SP110: variants seen among roughly 807,000 people sequenced by gnomAD.
SP110 encodes interferon-induced protein 41, 30kD.
A neutral mutation model predicts 92.7 loss-of-function variants in SP110; 62 were observed. The observed-to-expected ratio is 0.67, with a 90% CI of 0.55 to 0.83. The LOEUF (loss-of-function observed/expected upper bound fraction) is 0.83, where lower values mean the gene tolerates loss of function less well. Ranked by LOEUF, SP110 falls within the 40% of genes least tolerant of loss-of-function variation. The pLI is 0.00. For synonymous variants in SP110, 273 were observed against 305.3 expected, an observed-to-expected ratio of 0.89 and a Z score of 1.10; for missense variants, 793 against 863.9, an observed-to-expected ratio of 0.92 and a Z score of 1.03.
chr2:230,170,504 G>T, intron 18 of SP110, 117 bp downstream of exon 18: 1 of 1,247,438 alleles, frequency 8.0e-7, no homozygotes, highest in Non-Finnish European at 1.2e-6. Context: ...TGTAATCCTT[G>T]TCTTGTTTGA....
At chr2:230,184,400 ATTTG>A (rs1205994967) in intron 11 of SP110, among the ~76,000 whole-genome samples, 8 of 152,132 alleles carry the variant, frequency 5.3e-5, no homozygotes, top group Non-Finnish European at 7.3e-5. Context: ...TTGGAAATCT[ATTTG>A]TTTGTCAGGA....
intron 3 of SP110, among the ~76,000 whole-genome samples, chr2:230,214,424 A>C (rs1007078565): frequency 6.6e-6 from 1 of 152,218 alleles, no homozygotes; most frequent in Non-Finnish European, 1.5e-5. Flanking sequence ...CTTCTTAACC[A>C]ACAAGTAATT....
chr2:230,178,576 C>G (rs2041974614), intron 12 of SP110, among the ~76,000 whole-genome samples: 1 of 152,142 alleles, frequency 6.6e-6, no homozygotes, highest in Admixed American at 6.5e-5. Flanking sequence ...TCCTGCTGAT[C>G]TCTCTGTGCT....
chr2:230,186,986 A>G (rs2042391076), intron 10 of SP110, among the ~76,000 whole-genome samples: 1 of 152,212 alleles, frequency 6.6e-6, no homozygotes, highest in Admixed American at 6.5e-5. Context: ...TCTTCTTGAT[A>G]TAATGACTTA....
chr2:230,212,266 C>A (rs1296584463), intron 5 of SP110, 81 bp downstream of exon 5: 3 of 1,041,990 alleles, frequency 2.9e-6, no homozygotes, highest in East Asian at 4.8e-5. Flanking sequence ...GGGTTCCCAC[C>A]ATAGCCTCTT....
At position 230,167,273 on chromosome 2, in the gene SP110, ATTTT is replaced by A. The variant is rs67471942; in HGVS notation, c.*1847_*1850del. ...CCACCTTGCCCAGCTAATTAAAAAG[ATTTT>A]TTTTTTTTTTTTTTTGTAGAGATGA... is the stretch of plus-strand genomic sequence containing the variant. On this transcript the variant is annotated 3_prime_UTR_variant, in exon 19 of 19. Transcript: ENST00000258381. 0.53 allele frequency: 68,482 copies of A among 129,694 alleles called. 17,716 individuals carry two copies. Among genetic ancestry groups the A allele is most frequent in the Middle Eastern group, 0.62 (167 of 270 alleles). 8.0% of individuals were successfully genotyped at this position (129,694 alleles called of 1,614,324 possible).
rs905261832 is a variant in SP110, at chr2:230,166,176, G to A, written c.*2948C>T. On this transcript the variant is annotated 3_prime_UTR_variant, in exon 19 of 19. Coordinates refer to ENST00000258381, the MANE Select transcript of SP110 (RefSeq NM_080424.4). ...CAAAGTGCTGGGATTACAGGCCTGAGCCACTGCGCCTGGCAGACCACCTAT... is the reference window on the plus strand; with the variant it reads ...CAAAGTGCTGGGATTACAGGCCTGAACCACTGCGCCTGGCAGACCACCTAT... Among the ~76,000 whole-genome samples the A allele has an allele frequency of 2.6e-5, 4 of 152,202 alleles. No homozygotes were observed. Among genetic ancestry groups the A allele is most frequent in the Non-Finnish European group, 1.5e-5 (1 of 68,042 alleles).
intron 10 of SP110, among the ~76,000 whole-genome samples, chr2:230,196,071 A>G (rs375216021): frequency 6.6e-6 from 1 of 152,216 alleles, no homozygotes; most frequent in Admixed American, 6.5e-5. Context: ...GTTTTATTAC[A>G]TCCAGCATTG....
intron 8 of SP110, among the ~76,000 whole-genome samples, chr2:230,204,020 T>TA (rs1330204885): frequency 1.3e-5 from 2 of 152,066 alleles, no homozygotes; most frequent in Non-Finnish European, 2.9e-5. Flanking sequence ...TTTACCCAGG[T>TA]AAAAAATTGG....
At chr2:230,180,974 C>T (rs2042102484) in intron 12 of SP110, among the ~76,000 whole-genome samples, 1 of 152,180 alleles carries the variant, frequency 6.6e-6, no homozygotes, top group Admixed American at 6.5e-5. Flanking sequence ...GCTGATAACA[C>T]TCACTTATTA....
intron 11 of SP110, 83 bp from the exon 12 acceptor site, chr2:230,183,723 C>A: frequency 1.1e-6 from 1 of 951,966 alleles, no homozygotes; most frequent in South Asian, 1.3e-5. Context: ...AGCATTTTTT[C>A]CTGTTTTTCT....
intron 10 of SP110, among the ~76,000 whole-genome samples, chr2:230,193,900 A>C (rs1292317842): frequency 6.6e-6 from 1 of 152,222 alleles, no homozygotes; most frequent in African/African-American, 2.4e-5. Flanking sequence ...GGAATTTATA[A>C]ATTCCAAAAA....
At chr2:230,213,152 C>T (rs1024720256) in intron 3 of SP110, 125 bp from the exon 4 acceptor site, 27 of 931,500 alleles carry the variant, frequency 2.9e-5, no homozygotes, top group East Asian at 1.7e-4. Flanking sequence ...CCCCCAGGTG[C>T]AGAGAACTGA....
intron 14 of SP110, chr2:230,176,612 A>G (rs2041869121): frequency 2.5e-6 from 4 of 1,613,680 alleles, no homozygotes; most frequent in Middle Eastern, 1.6e-4. Context: ...CTCTAAGGTG[A>G]GCCTCCAGAC....
At chr2:230,173,268 T>G in intron 14 of SP110, 1 of 375,690 alleles carries the variant, frequency 2.7e-6, no homozygotes, top group Non-Finnish European at 5.2e-6. Context: ...GCTGGGCCAC[T>G]CTGGGCGCAT....
At chr2:230,212,157 C>T (rs1420237258) in intron 5 of SP110, among the ~76,000 whole-genome samples, 190 bp downstream of exon 5, 1 of 152,180 alleles carries the variant, frequency 6.6e-6, no homozygotes, top group East Asian at 1.9e-4. Context: ...CTTGTCAATT[C>T]AGAATGGTGT....
rs959485860 is a variant in SP110 at position 230,168,857 on chromosome 2, T to C, written c.*267A>G. On this transcript the variant is annotated 3_prime_UTR_variant, in exon 19 of 19. Transcript: ENST00000258381. ...AACAAATCAACTCTAAAAAGACTTATGAGACAGTGGGGAGAATGTGAACTA... is the reference window on the plus strand; with the variant it reads ...AACAAATCAACTCTAAAAAGACTTACGAGACAGTGGGGAGAATGTGAACTA... 12 of 372,820 alleles carry C rather than the reference T, an allele frequency of 3.2e-5. No homozygotes were observed. In the East Asian group the frequency reaches 6.4e-4, roughly 20 times the overall value. 23.1% of individuals were successfully genotyped at this position (372,820 alleles called of 1,614,324 possible). A position where few individuals can be genotyped will look rare whatever the true frequency, so the allele number is the denominator to read the frequency against.
chr2:230,200,911 G>A lies in SP110; in HGVS notation c.1103C>T (p.Pro368Leu). Residue 368 changes from proline to leucine, a missense_variant, in exon 10 of 19, where the codon CCT (proline) becomes CTT (leucine). Physicochemically the swap from Pro to Leu is moderately conservative, Grantham distance 98. Coordinates refer to ENST00000258381, the MANE Select transcript of SP110 (RefSeq NM_080424.4). ...MNEGKRSQKT[P>L]STPRRVTQGA... The stretch of plus-strand genomic sequence containing the variant: ...TTGTGTGACCCTTCGTGGTGTACTA[G>A]GCGTCTTCTGGGACCTCTTTCCTTC... 6.2e-7 allele frequency: 1 copy of A among 1,613,726 alleles called. No homozygotes were observed. Among genetic ancestry groups the A allele is most frequent in the Non-Finnish European group, 8.5e-7 (1 of 1,179,668 alleles).
In SP110 at chr2:230,169,255, A is replaced by C. The variant is rs2106338359; in HGVS notation, c.2029-18T>G. The C allele has an allele frequency of 4.5e-6, 6 of 1,345,700 alleles. No homozygotes were observed. Among genetic ancestry groups the C allele is most frequent in the Non-Finnish European group, 6.4e-6 (6 of 934,882 alleles). The allele number at this position is 1,345,700 out of a possible 1,614,324, so 83.4% of individuals were successfully genotyped here. ...TCAGAAGCCTGAAAGAGAAAAAAGC[A>C]AACAAACACATTGAAGGATGAAGGA... On this transcript the variant is annotated intron_variant, in intron 18 of 18. Transcript: ENST00000258381.
Sources: allele counts gnomAD v4.1 joint callset (sites outside exome capture counted in the v4.1 genomes callset), GRCh38; gene constraint gnomAD v4.1.1; transcripts MANE v1.5; gene names NCBI Gene and HGNC (gene_info 2026-07-23, HGNC 2026-07-21).